The following ASTN2 variants were observed in gnomAD, a reference collection of about 807,000 sequenced individuals.
ASTN2 encodes the protein astrotactin-2.
In ASTN2, 54 loss-of-function variants were observed where a neutral mutation model predicts 139.8. The observed-to-expected ratio is 0.39, with a 90% CI of 0.31 to 0.48. ASTN2 has a LOEUF of 0.48. Ranked by LOEUF, ASTN2 falls within the 20% of genes least tolerant of loss-of-function variation. The pLI is 0.95. For synonymous variants in ASTN2, 756 were observed against 719.5 expected, an observed-to-expected ratio of 1.05 and a Z score of -0.81; for missense variants, 1,565 against 1,725.1, an observed-to-expected ratio of 0.91 and a Z score of 1.64.
intron 10 of ASTN2, among the ~76,000 whole-genome samples, chr9:116,873,823 C>T (rs1397740869): frequency 6.6e-6 from 1 of 152,152 alleles, no homozygotes; most frequent in African/African-American, 2.4e-5. Flanking sequence ...GTAGCACTTG[C>T]TCCTTCACTG....
At chr9:116,817,060 T>A (rs985856589) in intron 12 of ASTN2, among the ~76,000 whole-genome samples, 2 of 151,880 alleles carry the variant, frequency 1.3e-5, no homozygotes, top group Non-Finnish European at 2.9e-5. Context: ...TTTGGGAGGA[T>A]GAGGTGGGCA....
rs369183395 is a variant in ASTN2 at position 116,791,093 on chromosome 9, G to A, written c.2396+14539C>T. Among the ~76,000 whole-genome samples, 74 of 152,210 alleles carry A rather than the reference G, an allele frequency of 4.9e-4. 1 individual carries two copies. The South Asian group carries it at 0.015, about 31-fold the overall frequency. Reference sequence around the variant, plus strand: ...AGGTCTCAAACTCCTGGCCTCTAGTGATCCACCTGCCTAGGCCTCCCAAAG... The same window carrying A: ...AGGTCTCAAACTCCTGGCCTCTAGTAATCCACCTGCCTAGGCCTCCCAAAG... On this transcript the variant is annotated intron_variant, in intron 13 of 22. Transcript: ENST00000313400.
chr9:117,187,844 T>C (rs1324443033), intron 3 of ASTN2, among the ~76,000 whole-genome samples: 1 of 152,182 alleles, frequency 6.6e-6, no homozygotes, highest in Non-Finnish European at 1.5e-5. Flanking sequence ...AACAATAACA[T>C]TGCTATCCTA....
chr9:116,811,632 G>A (rs560534539), intron 12 of ASTN2, among the ~76,000 whole-genome samples: 14 of 152,182 alleles, frequency 9.2e-5, no homozygotes, highest in South Asian at 2.1e-4. Context: ...GCTAATTTCC[G>A]CAGGCTTTGG....
chr9:117,160,743 C>A (rs999405173), intron 3 of ASTN2, among the ~76,000 whole-genome samples: 1 of 151,960 alleles, frequency 6.6e-6, no homozygotes, highest in African/African-American at 2.4e-5. Flanking sequence ...GCAAGGTGTG[C>A]AAACCCCAGC....
chr9:117,144,677 T>G (rs1296325568), intron 3 of ASTN2, among the ~76,000 whole-genome samples: 3 of 33,026 alleles, frequency 9.1e-5, no homozygotes, highest in African/African-American at 1.3e-4. Flanking sequence ...TTTTTTTTTT[T>G]TTTTTTTTTT....
At chr9:116,431,933 A>G (rs983728221) in intron 22 of ASTN2, among the ~76,000 whole-genome samples, 3 of 147,404 alleles carry the variant, frequency 2.0e-5, no homozygotes, top group African/African-American at 8.2e-5. Context: ...GTAAAGCTAA[A>G]GTCCTCTAAA....
chr9:116,977,714 T>C (rs907169357), intron 7 of ASTN2, among the ~76,000 whole-genome samples: 1 of 68,634 alleles, frequency 1.5e-5, no homozygotes, highest in Non-Finnish European at 2.9e-5. Context: ...AATTTCTTTT[T>C]CTTTTTTTTT....
chr9:117,129,098 G>C (rs993783479), intron 4 of ASTN2, among the ~76,000 whole-genome samples: 1 of 152,130 alleles, frequency 6.6e-6, no homozygotes, highest in Non-Finnish European at 1.5e-5. Context: ...AAGCAACATG[G>C]AATTGGTTAG....
At chr9:117,190,163 C>T (rs1358861352) in intron 3 of ASTN2, among the ~76,000 whole-genome samples, 1 of 152,180 alleles carries the variant, frequency 6.6e-6, no homozygotes, top group Non-Finnish European at 1.5e-5. Flanking sequence ...TCAGCTCCTG[C>T]TAAGTGCTGG....
At chr9:116,486,729 A>G (rs568195290) in intron 20 of ASTN2, among the ~76,000 whole-genome samples, 1 of 152,242 alleles carries the variant, frequency 6.6e-6, no homozygotes, top group Admixed American at 6.5e-5. Context: ...GTAGGAAATA[A>G]AAAGTAACAA....
intron 4 of ASTN2, among the ~76,000 whole-genome samples, chr9:117,111,484 A>G (rs1248394695): frequency 1.3e-5 from 2 of 152,158 alleles, no homozygotes; most frequent in Non-Finnish European, 2.9e-5. Flanking sequence ...AAAATAATCA[A>G]TGGCTTTGAT....
chr9:116,863,192 C>T (rs940841065), intron 11 of ASTN2, among the ~76,000 whole-genome samples: 4 of 152,118 alleles, frequency 2.6e-5, no homozygotes, highest in African/African-American at 4.8e-5. Context: ...ACTTTCTCTT[C>T]CGGACCACAC....
intron 17 of ASTN2, among the ~76,000 whole-genome samples, chr9:116,634,357 G>A (rs1052057621): frequency 2.0e-5 from 3 of 151,932 alleles, no homozygotes; most frequent in Non-Finnish European, 2.9e-5. Context: ...TTGGGAGGCC[G>A]AGGCGGGCGG....
intron 19 of ASTN2, among the ~76,000 whole-genome samples, chr9:116,572,989 A>C (rs940689507): frequency 6.0e-5 from 9 of 150,928 alleles, no homozygotes; most frequent in Non-Finnish European, 1.2e-4. Flanking sequence ...ATGTGGGTAC[A>C]TGCGTGCACA....
rs71379260 is a variant in ASTN2 at position 117,094,183 on chromosome 9, GGAGGAGAGGAGAGGA to G, written c.1276+1846_1276+1860del. ...GGGAGGAAGGGAGGAAGGGAGGGAG[GGAGGAGAGGAGAGGA>G]GAGGAGAGGAGAGGAGAGGAAAGGA... is the stretch of plus-strand genomic sequence containing the variant. On this transcript the variant is annotated intron_variant, in intron 5 of 22. Transcript: ENST00000313400. Among the ~76,000 whole-genome samples, 132 of 122,308 alleles carry G rather than the reference GGAGGAGAGGAGAGGA, an allele frequency of 1.1e-3. 1 individual carries two copies. Among genetic ancestry groups the G allele is most frequent in the African/African-American group, 3.9e-3 (110 of 28,222 alleles). The allele number at this position is 122,308 out of a possible 152,430, so 80.2% of individuals were successfully genotyped here. A position where few individuals can be genotyped will look rare whatever the true frequency, so the allele number is the denominator to read the frequency against.
At chr9:117,347,572 C>T (rs533879485) in intron 1 of ASTN2, among the ~76,000 whole-genome samples, 1 of 152,214 alleles carries the variant, frequency 6.6e-6, no homozygotes, top group South Asian at 2.1e-4. Context: ...GCTAGTAAGG[C>T]CTTCTGCTTT....
chr9:116,426,228 A>C, intron 22 of ASTN2, 140 bp from the exon 23 acceptor site: 1 of 1,066,406 alleles, frequency 9.4e-7, no homozygotes, highest in East Asian at 2.5e-5. Context: ...TGGTACTTCA[A>C]ACACTGATTC....
At chr9:116,608,635 A>G (rs1269711721) in intron 19 of ASTN2, among the ~76,000 whole-genome samples, 2 of 152,198 alleles carry the variant, frequency 1.3e-5, no homozygotes, top group African/African-American at 4.8e-5. Flanking sequence ...TTTGAACAAA[A>G]TATTTTGAAC....
Sources: gnomAD v4.1 joint callset for allele counts (sites outside exome capture counted in the v4.1 genomes callset) on GRCh38, gnomAD v4.1.1 for gene constraint, MANE v1.5 for transcripts, NCBI Gene and HGNC (gene_info 2026-07-23, HGNC 2026-07-21) for gene names.